AP5Z1: variants seen among roughly 807,000 people sequenced by gnomAD.
AP5Z1 encodes AP-5 complex subunit zeta-1.
AP5Z1 carries 106 observed loss-of-function variants against 83.0 expected under a neutral mutation model. The ratio of observed to expected loss-of-function variants is 1.28; its 90% CI spans 1.09 to 1.50. The LOEUF (loss-of-function observed/expected upper bound fraction) is 1.50. Among genes scored for constraint, AP5Z1 ranks in the 40% most tolerant of loss-of-function variants. The pLI is 0.00. For missense variants in AP5Z1, 1,565 were observed against 1,094.2 expected (o/e 1.43, Z -6.07); for synonymous variants, 751 against 514.1 (o/e 1.46, Z -6.23).
Position 4,785,572 on chromosome 7 carries a change from G to GTCCT in AP5Z1, c.1025_1028dup (p.Tyr344ProfsTer67). The GTCCT allele has an allele frequency of 6.2e-7, 1 of 1,608,168 alleles. No individual in the cohort carries two copies. The highest frequency in any genetic ancestry group is 8.5e-7 in the Non-Finnish European group (1 of 1,178,230). On this transcript the variant is annotated frameshift_variant, in exon 9 of 17. Transcript: ENST00000649063. LOFTEE classifies it high-confidence loss of function. ...TGGACGTGCTGTGCCGGCAGGACCC[G>GTCCT]TCCTTCCTGTACCGAAGTCTCTCCT...
At position 4,791,690 on chromosome 7, in the gene AP5Z1, A is replaced by C; in HGVS notation, c.*305A>C. On this transcript the variant is annotated 3_prime_UTR_variant, in exon 17 of 17. Coordinates refer to ENST00000649063, the MANE Select transcript of AP5Z1 (RefSeq NM_014855.3). ...GTGGAGGCTGCTGGGTCTGTTTCCT[A>C]GTCTTTTGTTTTTGGACAGTTGATG... 8 of 468,460 alleles carry C rather than the reference A, an allele frequency of 1.7e-5. No homozygotes were observed. The allele number at this position is 468,460 out of a possible 1,614,324, so 29.0% of individuals were successfully genotyped here. A position where few individuals can be genotyped will look rare whatever the true frequency, so the allele number is the denominator to read the frequency against.
intron 11 of AP5Z1, 105 bp downstream of exon 11, chr7:4,787,881 CT>C (rs1781603561): frequency 2.3e-5 from 32 of 1,363,758 alleles, no homozygotes; most frequent in African/African-American, 4.4e-5. Flanking sequence ...GACCCTCCTT[CT>C]TCCCCCCCCA....
chr7:4,783,102 G>T (rs567185622), intron 3 of AP5Z1, among the ~76,000 whole-genome samples: 69 of 152,358 alleles, frequency 4.5e-4, no homozygotes, highest in African/African-American at 1.4e-3. Context: ...GCCCCCTCCA[G>T]CCTCAGCGAT....
chr7:4,786,152 C>T, intron 9 of AP5Z1, 98 bp from the exon 10 acceptor site: 2 of 1,318,998 alleles, frequency 1.5e-6, no homozygotes, highest in Non-Finnish European at 2.0e-6. Context: ...CCTTGGTGTC[C>T]TGGAGAGCAG....
At chr7:4,791,058 G>A (rs753987599) in intron 16 of AP5Z1, 57 bp from the exon 17 acceptor site, 1 of 1,505,194 alleles carries the variant, frequency 6.6e-7, no homozygotes, top group Admixed American at 2.1e-5. Context: ...CCTCCACACA[G>A]ACCCCTGTCC....
At chr7:4,783,287 C>T (rs1781433679) in intron 3 of AP5Z1, 29 bp from the exon 4 acceptor site, 1 of 1,572,096 alleles carries the variant, frequency 6.4e-7, no homozygotes, top group Non-Finnish European at 8.6e-7. Flanking sequence ...CAGGCCAGTA[C>T]CCCAGCGTTT....
intron 7 of AP5Z1, 23 bp downstream of exon 7, chr7:4,785,071 T>G: frequency 1.3e-6 from 2 of 1,577,742 alleles, no homozygotes; most frequent in African/African-American, 1.3e-5. Context: ...CCCAGGGCAC[T>G]GGCCTCCCCA....
chr7:4,785,095 C>T, intron 7 of AP5Z1, 47 bp downstream of exon 7: 1 of 1,549,336 alleles, frequency 6.5e-7, no homozygotes. Context: ...CTCGACGCAC[C>T]TGCTCTGCAA....
In AP5Z1 at chr7:4,787,901, C is replaced by G. The variant is rs1269933563; in HGVS notation, c.1454+125C>G. ...TCCTTCTTCCCCCCCCAACACCTGA[C>G]CAGTCCTCCCCTGCAAAGCCACCTC... is the stretch of plus-strand genomic sequence containing the variant. On this transcript the variant is annotated intron_variant, in intron 11 of 16. Transcript: ENST00000649063. 12 of 1,259,510 alleles carry G rather than the reference C, an allele frequency of 9.5e-6. No individual in the cohort carries two copies. In the East Asian group the frequency reaches 1.8e-4, roughly 19 times the overall value. 78.0% of individuals were successfully genotyped at this position (1,259,510 alleles called of 1,614,324 possible).
rs1253830251 is a variant in AP5Z1 at position 4,791,955 on chromosome 7, G to A, written c.*570G>A. The A allele has an allele frequency of 6.5e-6, 1 of 153,304 alleles. No homozygotes were observed. The highest frequency in any genetic ancestry group is 6.5e-5 in the Admixed American group (1 of 15,416). The allele number at this position is 153,304 out of a possible 1,614,324, so 9.5% of individuals were successfully genotyped here. Reference sequence around the variant, plus strand: ...TTCCCGGGTGTGGTCACCGCTCTGGGTGGTGCGCTTGTCAATGCCCCTTTT... The same window carrying A: ...TTCCCGGGTGTGGTCACCGCTCTGGATGGTGCGCTTGTCAATGCCCCTTTT... On this transcript the variant is annotated 3_prime_UTR_variant, in exon 17 of 17. Transcript: ENST00000649063.
At chr7:4,786,778 TTTTTC>T (rs1321945333) in intron 10 of AP5Z1, among the ~76,000 whole-genome samples, 1 of 151,898 alleles carries the variant, frequency 6.6e-6, no homozygotes, top group Non-Finnish European at 1.5e-5. Flanking sequence ...TTGCCTTTTT[TTTTTC>T]TTTTGAGATG....
Position 4,781,556 on chromosome 7 carries a change from C to T in AP5Z1, c.180-12C>T. ...ACGTGTTACCGCCCACCACGGGCATCTCGCCTTCCAGGCTGGAGAAGACAT... is the reference window on the plus strand; with the variant it reads ...ACGTGTTACCGCCCACCACGGGCATTTCGCCTTCCAGGCTGGAGAAGACAT... On this transcript the variant is annotated splice_polypyrimidine_tract_variant and intron_variant, in intron 2 of 16. Transcript: ENST00000649063. 2 of 1,601,728 alleles carry T rather than the reference C, an allele frequency of 1.2e-6. No individual in the cohort carries two copies. Among genetic ancestry groups the T allele is most frequent in the Non-Finnish European group, 1.7e-6 (2 of 1,170,920 alleles).
At chr7:4,789,997 T>TCCCCCC in intron 14 of AP5Z1, 68 bp downstream of exon 14, 5 of 385,904 alleles carry the variant, frequency 1.3e-5, no homozygotes, top group Admixed American at 2.1e-4. Context: ...CCCTCTCCCC[T>TCCCCCC]CCCCCCTCCC....
chr7:4,791,155 A>C lies in AP5Z1; in HGVS notation c.2194A>C (p.Ser732Arg), dbSNP rs201934980. The change falls in exon 17 of 17, where the codon AGT (serine) becomes CGT (arginine). Residue 732 changes from serine to arginine, a missense_variant. Ser to Arg is a moderately radical substitution (Grantham distance 110). Coordinates refer to ENST00000649063, the MANE Select transcript of AP5Z1 (RefSeq NM_014855.3). ...LLSKMRTLAH[S>R]PATSSTHSEE... ...GTCAAAGATGAGGACCCTGGCTCAC[A>C]GTCCAGCCACCAGCTCCACGCACAG... 2.4e-5 allele frequency: 39 copies of C among 1,609,630 alleles called. No individual in the cohort carries two copies. In the African/African-American group the frequency reaches 4.3e-4, roughly 18 times the overall value.
intron 10 of AP5Z1, among the ~76,000 whole-genome samples, chr7:4,787,314 G>A (rs577155486): frequency 6.6e-6 from 1 of 152,052 alleles, no homozygotes; most frequent in East Asian, 2.0e-4. Flanking sequence ...AACACAGGGA[G>A]ACCTCTTGTC....
At chr7:4,785,075 C>T (rs111514536) in intron 7 of AP5Z1, 27 bp downstream of exon 7, 8 of 1,566,750 alleles carry the variant, frequency 5.1e-6, no homozygotes, top group Non-Finnish European at 6.9e-6. Flanking sequence ...GGGCACTGGC[C>T]TCCCCAGGGC....
rs1781370500 is a variant in AP5Z1, at chr7:4,781,180, T to C, written c.47T>C (p.Ile16Thr). ...AESLLHQARE[I>T]QDEELKKFCS... ...AAGTCCTCTTCTTTGTTTAGGGAGATCCAGGACGAGGAGCTGAAGAAGTTC... is the reference window on the plus strand; with the variant it reads ...AAGTCCTCTTCTTTGTTTAGGGAGACCCAGGACGAGGAGCTGAAGAAGTTC... Residue 16 changes from isoleucine to threonine, a missense_variant, in exon 2 of 17, where the codon ATC becomes ACC. By Grantham distance (89) the Ile-to-Thr change is moderately conservative. Transcript: ENST00000649063. 3.1e-6 allele frequency: 5 copies of C among 1,613,708 alleles called. No homozygotes were observed. The African/African-American group carries it at 6.7e-5, about 22-fold the overall frequency.
At position 4,791,154 on chromosome 7, in the gene AP5Z1, C is replaced by G. The variant is rs371765832; in HGVS notation, c.2193C>G (p.His731Gln). ...TGTCAAAGATGAGGACCCTGGCTCA[C>G]AGTCCAGCCACCAGCTCCACGCACA... ...LLLSKMRTLA[H>Q]SPATSSTHSE... Residue 731 changes from histidine to glutamine, a missense_variant, in exon 17 of 17, where the codon CAC becomes CAG. Physicochemically the swap from His to Gln is conservative, Grantham distance 24. Coordinates refer to ENST00000649063, the MANE Select transcript of AP5Z1 (RefSeq NM_014855.3). 1 of 1,609,362 alleles carries G rather than the reference C, an allele frequency of 6.2e-7. No homozygotes were observed. The highest frequency in any genetic ancestry group is 8.5e-7 in the Non-Finnish European group (1 of 1,177,940).
Position 4,781,200 on chromosome 7 carries a change from A to T in AP5Z1, c.67A>T (p.Lys23Ter), listed in dbSNP as rs1198188652. 1.9e-6 allele frequency: 3 copies of T among 1,613,586 alleles called. No individual in the cohort carries two copies. The highest frequency in any genetic ancestry group is 1.7e-5 in the Admixed American group (1 of 60,018). Residue 23 changes from lysine (K) to a stop codon, truncating the protein, a stop_gained, in exon 2 of 17, where the codon AAG becomes TAG. Transcript: ENST00000649063. LOFTEE classifies it high-confidence loss of function. The part of the protein sequence containing the change: ...AREIQDEELK[K>*]FCSRICKLLQ... Reference sequence around the variant, plus strand: ...GGAGATCCAGGACGAGGAGCTGAAGAAGTTCTGTTCCCGGATCTGTAAACT... The same window carrying T: ...GGAGATCCAGGACGAGGAGCTGAAGTAGTTCTGTTCCCGGATCTGTAAACT...
Sources: gnomAD v4.1 joint callset for allele counts (sites outside exome capture counted in the v4.1 genomes callset) on GRCh38, gnomAD v4.1.1 for gene constraint, MANE v1.5 for transcripts, NCBI Gene and HGNC (gene_info 2026-07-23, HGNC 2026-07-21) for gene names.